THSD7A: variants seen among roughly 807,000 people sequenced by gnomAD.
THSD7A encodes the protein thrombospondin type-1 domain-containing protein 7A.
In THSD7A, 96 loss-of-function variants were observed where a neutral mutation model predicts 231.3. The observed-to-expected ratio is 0.41, with a 90% CI of 0.35 to 0.49. The LOEUF (loss-of-function observed/expected upper bound fraction) is 0.49. Among genes scored for constraint, THSD7A ranks in the 20% least tolerant of loss-of-function variants. The pLI is 0.05. For missense variants in THSD7A, 2,290 were observed against 2,070.2 expected, an observed-to-expected ratio of 1.11 and a Z score of -2.06; for synonymous variants, 940 against 743.3, an observed-to-expected ratio of 1.26 and a Z score of -4.30.
intron 23 of THSD7A, among the ~76,000 whole-genome samples, chr7:11,388,773 C>G (rs1296199806): frequency 6.6e-6 from 1 of 152,156 alleles, no homozygotes; most frequent in Admixed American, 6.5e-5. Flanking sequence ...AATTTTAGAT[C>G]ATTCCTGCTT....
chr7:11,798,800 AG>A (rs1327751573), intron 1 of THSD7A, among the ~76,000 whole-genome samples: 4 of 152,206 alleles, frequency 2.6e-5, no homozygotes, highest in Non-Finnish European at 5.9e-5. Context: ...CATATTTTTT[AG>A]AAAACAGTAC....
At chr7:11,665,991 C>G (rs1783115903) in intron 1 of THSD7A, among the ~76,000 whole-genome samples, 1 of 152,112 alleles carries the variant, frequency 6.6e-6, no homozygotes, top group African/African-American at 2.4e-5. Flanking sequence ...AAACTCTCCT[C>G]TAATTAGCTG....
intron 6 of THSD7A, among the ~76,000 whole-genome samples, chr7:11,513,066 C>A (rs1192069704): frequency 6.6e-6 from 1 of 150,498 alleles, no homozygotes; most frequent in Non-Finnish European, 1.5e-5. Context: ...GCATGGAAAA[C>A]CAAATGTTGT....
intron 1 of THSD7A, among the ~76,000 whole-genome samples, chr7:11,740,895 A>G (rs770784650): frequency 3.9e-5 from 6 of 152,000 alleles, no homozygotes; most frequent in Non-Finnish European, 7.4e-5. Context: ...CACTACATAA[A>G]TATTTGCAGT....
chr7:11,673,675 C>T (rs75158031), intron 1 of THSD7A, among the ~76,000 whole-genome samples: 14,370 of 152,196 alleles, frequency 0.094, 855 homozygotes, highest in Non-Finnish European at 0.14. Context: ...CAGTTTCTTA[C>T]GCTGGCATGG....
chr7:11,780,097 G>A (rs1004151184), intron 1 of THSD7A, among the ~76,000 whole-genome samples: 10 of 152,150 alleles, frequency 6.6e-5, no homozygotes, highest in South Asian at 6.2e-4. Context: ...CTGCTTCCTG[G>A]TTTACAGATG....
chr7:11,800,773 T>C (rs2128181279), intron 1 of THSD7A, among the ~76,000 whole-genome samples: 1 of 152,270 alleles, frequency 6.6e-6, no homozygotes, highest in East Asian at 1.9e-4. Flanking sequence ...AAAGTTTCTA[T>C]TATGCAAGAT....
At chr7:11,528,706 G>A (rs1169045707) in intron 6 of THSD7A, among the ~76,000 whole-genome samples, 1 of 152,082 alleles carries the variant, frequency 6.6e-6, no homozygotes, top group Non-Finnish European at 1.5e-5. Flanking sequence ...TCAAGAAAAT[G>A]CACTGTATTA....
Position 11,572,590 on chromosome 7 carries a change from C to T in THSD7A, c.1453+17870G>A, listed in dbSNP as rs1219763297. ...GTGGCGCAATCATAGCTCACTGAAG[C>T]CTCAACCTCCTAGGCTCAGTGATCC... On this transcript the variant is annotated intron_variant, in intron 4 of 27. Transcript: ENST00000423059. Among the ~76,000 whole-genome samples, 3 of 152,158 alleles carry T rather than the reference C, an allele frequency of 2.0e-5. No individual in the cohort carries two copies. In the East Asian group the frequency reaches 5.8e-4, roughly 29 times the overall value.
chr7:11,521,008 A>T (rs966661957), intron 6 of THSD7A, among the ~76,000 whole-genome samples: 3 of 152,222 alleles, frequency 2.0e-5, no homozygotes, highest in Admixed American at 6.5e-5. Context: ...CTATTCAAAA[A>T]ATGCACAAAT....
intron 4 of THSD7A, among the ~76,000 whole-genome samples, chr7:11,546,734 G>T (rs1489709751): frequency 6.6e-6 from 1 of 152,118 alleles, no homozygotes; most frequent in Non-Finnish European, 1.5e-5. Context: ...AGGCTAAAAT[G>T]ACAGAGATGG....
At chr7:11,428,261 T>C (rs1361067370) in intron 14 of THSD7A, among the ~76,000 whole-genome samples, 2 of 152,204 alleles carry the variant, frequency 1.3e-5, no homozygotes, top group Non-Finnish European at 2.9e-5. Context: ...AACATGGTAA[T>C]AATTGTCTGA....
At chr7:11,743,359 G>A (rs1024236200) in intron 1 of THSD7A, among the ~76,000 whole-genome samples, 1 of 151,794 alleles carries the variant, frequency 6.6e-6, no homozygotes, top group Non-Finnish European at 1.5e-5. Flanking sequence ...CGTCCACTGA[G>A]AATATTCACC....
chr7:11,580,573 T>C (rs971382100), intron 4 of THSD7A, among the ~76,000 whole-genome samples: 1 of 152,160 alleles, frequency 6.6e-6, no homozygotes, highest in African/African-American at 2.4e-5. Flanking sequence ...TGAAATCATA[T>C]CCTTTGCAGG....
At chr7:11,603,868 G>T (rs1294042414) in intron 2 of THSD7A, among the ~76,000 whole-genome samples, 8 of 138,434 alleles carry the variant, frequency 5.8e-5, no homozygotes, top group African/African-American at 2.2e-4. Context: ...TCACACTCTG[G>T]GGACTGTGGT....
chr7:11,490,742 T>C (rs779870372), intron 6 of THSD7A, among the ~76,000 whole-genome samples: 5 of 152,110 alleles, frequency 3.3e-5, no homozygotes, highest in Non-Finnish European at 7.4e-5. Context: ...AATTTTCATG[T>C]GCTCCACATT....
chr7:11,828,624 T>C (rs1785097869), intron 1 of THSD7A, among the ~76,000 whole-genome samples: 1 of 152,184 alleles, frequency 6.6e-6, no homozygotes, highest in Admixed American at 6.5e-5. Flanking sequence ...AGCTTCTCAA[T>C]GGCAGGGATG....
chr7:11,431,933 G>A (rs1186062702), intron 13 of THSD7A, among the ~76,000 whole-genome samples: 1 of 151,860 alleles, frequency 6.6e-6, no homozygotes, highest in Admixed American at 6.6e-5. Context: ...TATTGTAGGT[G>A]GATTTTAAAA....
At chr7:11,442,669 G>A (rs1391747068) in intron 13 of THSD7A, among the ~76,000 whole-genome samples, 1 of 152,048 alleles carries the variant, frequency 6.6e-6, no homozygotes, top group Non-Finnish European at 1.5e-5. Flanking sequence ...CATATTTAAG[G>A]AAAGCAGGAA....
Sources: gnomAD v4.1 joint callset for allele counts (sites outside exome capture counted in the v4.1 genomes callset) on GRCh38, gnomAD v4.1.1 for gene constraint, MANE v1.5 for transcripts, NCBI Gene and HGNC (gene_info 2026-07-23, HGNC 2026-07-21) for gene names.